The following MAGI1 variants were observed in gnomAD, a reference collection of about 807,000 sequenced individuals.
MAGI1 encodes the protein membrane associated guanylate kinase, WW and PDZ domain containing 1.
MAGI1 carries 58 observed loss-of-function variants against 139.9 expected under a neutral mutation model. That is an observed-to-expected ratio of 0.41 (90% confidence interval 0.34 to 0.52). The LOEUF (loss-of-function observed/expected upper bound fraction) is 0.52. Among genes scored for constraint, MAGI1 ranks in the 20% least tolerant of loss-of-function variants. The probability of loss-of-function intolerance (pLI) is 0.12; values close to 1 mark genes in which losing one functional copy is unlikely to be tolerated. For missense variants in MAGI1, 1,874 were observed against 1,901.6 expected (o/e 0.99, Z 0.27); for synonymous variants, 812 against 737.9 (o/e 1.10, Z -1.63).
At chr3:65,957,424 G>A (rs1439722441) in intron 1 of MAGI1, among the ~76,000 whole-genome samples, 1 of 151,030 alleles carries the variant, frequency 6.6e-6, no homozygotes, top group Admixed American at 6.6e-5. Context: ...GCGGCGCTGA[G>A]GTGGGAAGAT....
At chr3:65,957,098 T>G (rs1047740773) in intron 1 of MAGI1, among the ~76,000 whole-genome samples, 2 of 152,062 alleles carry the variant, frequency 1.3e-5, no homozygotes, top group Non-Finnish European at 2.9e-5. Flanking sequence ...AAAATACATA[T>G]ATACCAAAAG....
intron 5 of MAGI1, among the ~76,000 whole-genome samples, chr3:65,459,450 A>T (rs1949627848): frequency 6.6e-6 from 1 of 152,196 alleles, no homozygotes. Context: ...TACAACTGCT[A>T]TTTATATGCT....
intron 2 of MAGI1, among the ~76,000 whole-genome samples, chr3:65,612,751 T>A (rs2083187255): frequency 1.3e-5 from 2 of 152,288 alleles, no homozygotes; most frequent in South Asian, 2.1e-4. Context: ...GGAAATTTTT[T>A]AAAATATATT....
chr3:65,546,523 T>C (rs561211038), intron 2 of MAGI1, among the ~76,000 whole-genome samples: 2 of 152,340 alleles, frequency 1.3e-5, no homozygotes, highest in African/African-American at 2.4e-5. Flanking sequence ...CGTTCATCTA[T>C]GTCAAGGTTG....
intron 1 of MAGI1, among the ~76,000 whole-genome samples, chr3:65,694,634 T>C (rs1178208293): frequency 6.6e-6 from 1 of 152,240 alleles, no homozygotes; most frequent in Non-Finnish European, 1.5e-5. Flanking sequence ...CTTCGGCTCA[T>C]TCCCAGCAAT....
Position 65,429,875 on chromosome 3 carries a change from G to A in MAGI1, c.1812C>T (p.Gly604=), listed in dbSNP as rs749247938. The stretch of plus-strand genomic sequence containing the variant: ...GGCTGCTTGGCCTGGCATCCTTCAT[G>A]CCATTGACTTTGCCTGTTTTACTAC... The part of the protein sequence containing the change: ...SHSSKTGKVN[G]MKDARPSSPA... The change falls in exon 12 of 23, where the codon GGC becomes GGT. Residue 604 remains glycine (G), a synonymous_variant. Transcript: ENST00000402939. The A allele has an allele frequency of 6.2e-7, 1 of 1,614,024 alleles. No homozygotes were observed. The highest frequency in any genetic ancestry group is 8.5e-7 in the Non-Finnish European group (1 of 1,179,968).
At chr3:65,627,214 A>G (rs1307136186) in intron 1 of MAGI1, among the ~76,000 whole-genome samples, 2 of 152,214 alleles carry the variant, frequency 1.3e-5, no homozygotes, top group Admixed American at 1.3e-4. Flanking sequence ...TTGTAGCCCA[A>G]GAGCAACGGG....
At chr3:65,615,901 C>T (rs1013818796) in intron 2 of MAGI1, among the ~76,000 whole-genome samples, 2 of 152,186 alleles carry the variant, frequency 1.3e-5, no homozygotes, top group African/African-American at 4.8e-5. Context: ...ATATCCTTGA[C>T]ACAGTAACGC....
At chr3:65,504,870 G>A (rs377350771) in intron 2 of MAGI1, among the ~76,000 whole-genome samples, 2 of 152,252 alleles carry the variant, frequency 1.3e-5, no homozygotes, top group African/African-American at 4.8e-5. Flanking sequence ...AGGGAACTTT[G>A]GCACATACAA....
chr3:65,971,193 C>T (rs941242775), intron 1 of MAGI1, among the ~76,000 whole-genome samples: 1 of 152,208 alleles, frequency 6.6e-6, no homozygotes, highest in African/African-American at 2.4e-5. Context: ...CAGAGCGAGA[C>T]TCCGTCTCAA....
intron 2 of MAGI1, among the ~76,000 whole-genome samples, chr3:65,580,465 A>G (rs2081366226): frequency 6.6e-6 from 1 of 152,200 alleles, no homozygotes; most frequent in Admixed American, 6.5e-5. Flanking sequence ...GTCAAACACC[A>G]AAAGTTCTTC....
chr3:65,874,790 C>T (rs1277467681), intron 1 of MAGI1: 2 of 152,368 alleles, frequency 1.3e-5, no homozygotes, highest in African/African-American at 2.4e-5. Flanking sequence ...TATGTTCACA[C>T]AAAAACCTGT....
chr3:65,836,869 T>C (rs1466934916), intron 1 of MAGI1, among the ~76,000 whole-genome samples: 2 of 152,142 alleles, frequency 1.3e-5, no homozygotes. Context: ...GAGCCATCAC[T>C]TTTGTAAATA....
chr3:65,530,752 T>TAC lies in MAGI1; in HGVS notation c.431-37123_431-37122dup, dbSNP rs1195842612. ...ACGTATATATATATGCACATATATA[T>TAC]ACACGTATATATATATATATACACA... On this transcript the variant is annotated intron_variant, in intron 2 of 22. Coordinates refer to ENST00000402939, the MANE Select transcript of MAGI1 (RefSeq NM_001033057.2). 4.2e-3 allele frequency among the ~76,000 whole-genome samples: 221 copies of TAC among 53,170 alleles called. 18 individuals carry two copies. The highest frequency in any genetic ancestry group is 8.3e-3 in the South Asian group (13 of 1,568). 34.9% of individuals were successfully genotyped at this position (53,170 alleles called of 152,430 possible).
At chr3:65,449,998 C>A (rs1948930693) in intron 6 of MAGI1, among the ~76,000 whole-genome samples, 2 of 152,022 alleles carry the variant, frequency 1.3e-5, no homozygotes, top group Non-Finnish European at 2.9e-5. Context: ...CATTCGAATA[C>A]CTAGGATGCA....
chr3:65,453,464 C>G, intron 5 of MAGI1, 124 bp from the exon 6 acceptor site: 2 of 702,554 alleles, frequency 2.8e-6, no homozygotes, highest in Non-Finnish European at 4.7e-6. Flanking sequence ...TGCTTTCCAA[C>G]AGCAAATCCA....
chr3:65,458,874 G>A (rs1949583511), intron 5 of MAGI1, among the ~76,000 whole-genome samples: 1 of 152,092 alleles, frequency 6.6e-6, no homozygotes, highest in South Asian at 2.1e-4. Flanking sequence ...AGAAATCTTT[G>A]CCCACTCTCA....
intron 2 of MAGI1, among the ~76,000 whole-genome samples, chr3:65,502,859 T>C (rs1222729411): frequency 1.3e-5 from 2 of 152,074 alleles, no homozygotes; most frequent in African/African-American, 4.8e-5. Flanking sequence ...AAGGTGGTCA[T>C]GGTGCCAAGG....
intron 1 of MAGI1, among the ~76,000 whole-genome samples, chr3:65,668,570 T>C (rs1251818990): frequency 9.2e-5 from 13 of 140,754 alleles, no homozygotes; most frequent in East Asian, 4.0e-4. Flanking sequence ...TTCTTTTTTT[T>C]TTTTTTTTTT....
Sources: allele counts gnomAD v4.1 joint callset (sites outside exome capture counted in the v4.1 genomes callset), GRCh38; gene constraint gnomAD v4.1.1; transcripts MANE v1.5; gene names NCBI Gene and HGNC (gene_info 2026-07-23, HGNC 2026-07-21).